The following TSC22D3 variants were observed in gnomAD, a reference collection of about 807,000 sequenced individuals.
TSC22D3 encodes TSC22 domain family member 3.
TSC22D3 carries 4 observed loss-of-function variants against 11.1 expected under a neutral mutation model. The ratio of observed to expected loss-of-function variants is 0.36; its 90% CI spans 0.18 to 0.83. TSC22D3 has a LOEUF of 0.83. Among genes scored for constraint, TSC22D3 ranks in the 40% least tolerant of loss-of-function variants. TSC22D3 has a pLI of 0.48. For missense variants in TSC22D3, 118 were observed against 159.4 expected (o/e 0.74, Z 1.40); for synonymous variants, 77 against 70.3 (o/e 1.10, Z -0.48).
chrX:107,766,467 A>ACCCCCCCCCCCCCCCCCCCCCC (rs1929663567), intron 1 of TSC22D3, among the ~76,000 whole-genome samples: 1 of 54,018 alleles, frequency 1.9e-5, no homozygotes, highest in African/African-American at 8.6e-5. Flanking sequence ...CCCCCCAACA[A>ACCCCCCCCCCCCCCCCCCCCCC]CTCCCCCCAC....
chrX:107,766,605 G>A (rs1025153753), intron 1 of TSC22D3, among the ~76,000 whole-genome samples: 1 of 110,081 alleles, frequency 9.1e-6, no homozygotes. Context: ...GGTGATAGTA[G>A]GTTCCTCCCT....
At chrX:107,743,994 C>G (rs1185871438) in intron 1 of TSC22D3, among the ~76,000 whole-genome samples, 2 of 112,306 alleles carry the variant, frequency 1.8e-5, no homozygotes, top group African/African-American at 6.5e-5. Flanking sequence ...GAGTGCCCAC[C>G]AGCTTTGAGA....
intron 1 of TSC22D3, among the ~76,000 whole-genome samples, chrX:107,722,476 A>G (rs748533320): frequency 4.5e-5 from 5 of 112,204 alleles, no homozygotes; most frequent in African/African-American, 6.5e-5. Context: ...CTCTTGTCAA[A>G]TCACCTTCAT....
intron 1 of TSC22D3, among the ~76,000 whole-genome samples, chrX:107,727,969 A>T (rs1881634253): frequency 8.9e-6 from 1 of 112,113 alleles, no homozygotes; most frequent in South Asian, 3.7e-4. Context: ...TTCTAGCACG[A>T]CTGAAGGCAC....
Position 107,714,369 on chromosome X carries a change from G to T in TSC22D3, c.*150C>A. 1 of 493,929 alleles carries T rather than the reference G, an allele frequency of 2.0e-6. No individual in the cohort carries two copies. Among genetic ancestry groups the T allele is most frequent in the Non-Finnish European group, 3.3e-6 (1 of 301,523 alleles). The allele number at this position is 493,929 out of a possible 1,213,427, so 40.7% of individuals were successfully genotyped here. Reference sequence around the variant, plus strand: ...GGGGTCTGTCGCTGGAGTGGACCCAGGTGGCCATGTCCTTAGGACATCTCT... The same window carrying T: ...GGGGTCTGTCGCTGGAGTGGACCCATGTGGCCATGTCCTTAGGACATCTCT... On this transcript the variant is annotated 3_prime_UTR_variant, in exon 3 of 3. Coordinates refer to ENST00000372383, the MANE Select transcript of TSC22D3 (RefSeq NM_198057.3).
intron 1 of TSC22D3, among the ~76,000 whole-genome samples, chrX:107,742,351 GGGGGGAGGGAGC>G (rs1252376560): frequency 2.0e-5 from 2 of 100,529 alleles, no homozygotes; most frequent in Admixed American, 1.0e-4. Flanking sequence ...TGTTTAGGAA[GGGGGGAGGGAGC>G]GGGGGAGGGA....
chrX:107,719,368 T>C (rs1026899360), intron 1 of TSC22D3, among the ~76,000 whole-genome samples: 3 of 112,282 alleles, frequency 2.7e-5, no homozygotes, highest in African/African-American at 9.7e-5. Flanking sequence ...TCTGAGTTGT[T>C]CATTAGTTAT....
intron 2 of TSC22D3, among the ~76,000 whole-genome samples, chrX:107,714,993 T>C (rs937888686): frequency 2.7e-5 from 3 of 111,902 alleles, no homozygotes; most frequent in African/African-American, 6.5e-5. Context: ...TTGAACTAGA[T>C]AGGTTCTCCC....
At chrX:107,772,836 G>C (rs1200425784) in intron 1 of TSC22D3, among the ~76,000 whole-genome samples, 1 of 111,697 alleles carries the variant, frequency 9.0e-6, no homozygotes, top group Non-Finnish European at 1.9e-5. Context: ...GGGTGACAGA[G>C]TGAGACCCTG....
chrX:107,715,088 T>C (rs1396686520), intron 2 of TSC22D3, among the ~76,000 whole-genome samples: 1 of 111,940 alleles, frequency 8.9e-6, no homozygotes, highest in Non-Finnish European at 1.9e-5. Flanking sequence ...GTTTGCTATG[T>C]CCCCCTTTTT....
At chrX:107,764,884 G>A (rs188219532) in intron 1 of TSC22D3, among the ~76,000 whole-genome samples, 1 of 111,739 alleles carries the variant, frequency 8.9e-6, no homozygotes, top group Admixed American at 9.4e-5. Context: ...AGAGGGAGGT[G>A]CCTCCCTACT....
At chrX:107,748,774 AT>A (rs1928792127) in intron 1 of TSC22D3, among the ~76,000 whole-genome samples, 1 of 112,193 alleles carries the variant, frequency 8.9e-6, no homozygotes. Flanking sequence ...AGAGGATCAA[AT>A]AAGATAGAGT....
At position 107,771,563 on chromosome X, in the gene TSC22D3, C is replaced by G. The variant is rs752018945; in HGVS notation, c.320+3537G>C. On this transcript the variant is annotated intron_variant, in intron 1 of 2. Transcript: ENST00000372383. ...TCGTGCCACTGCACTCCAGCCTGGG[C>G]GACAGAACAAGACTCCGTCTCAAAA... 5.4e-5 allele frequency among the ~76,000 whole-genome samples: 6 copies of G among 111,440 alleles called. 1 individual carries two copies. Among genetic ancestry groups the G allele is most frequent in the African/African-American group, 2.0e-4 (6 of 30,497 alleles).
intron 1 of TSC22D3, among the ~76,000 whole-genome samples, chrX:107,773,704 C>T (rs941596121): frequency 9.0e-6 from 1 of 111,631 alleles, no homozygotes; most frequent in African/African-American, 3.3e-5. Context: ...CCGAGGAATA[C>T]GACTTGTTAT....
chrX:107,741,866 G>GGAGAA (rs1338166232), intron 1 of TSC22D3, among the ~76,000 whole-genome samples: 1 of 110,955 alleles, frequency 9.0e-6, no homozygotes, highest in African/African-American at 3.3e-5. Flanking sequence ...GGAGAGAAAA[G>GGAGAA]GAGAAGGAGA....
intron 1 of TSC22D3, among the ~76,000 whole-genome samples, chrX:107,734,334 C>T (rs1294738280): frequency 3.6e-5 from 4 of 112,581 alleles, no homozygotes; most frequent in East Asian, 2.8e-4. Flanking sequence ...AAAATACTGG[C>T]GAGAGTGTGT....
intron 1 of TSC22D3, among the ~76,000 whole-genome samples, chrX:107,728,078 C>T (rs1426182716): frequency 9.0e-6 from 1 of 110,850 alleles, no homozygotes; most frequent in African/African-American, 3.3e-5. Flanking sequence ...AGGGCAGGGG[C>T]TTATCTTATT....
chrX:107,744,031 T>A (rs1928544769), intron 1 of TSC22D3, among the ~76,000 whole-genome samples: 1 of 112,312 alleles, frequency 8.9e-6, no homozygotes. Flanking sequence ...GAAACTTTCT[T>A]AACATTTAAG....
intron 1 of TSC22D3, 29 bp downstream of exon 1, chrX:107,775,071 G>C: frequency 8.3e-7 from 1 of 1,199,966 alleles, no homozygotes. Flanking sequence ...AGCAAGGACC[G>C]AGTTGCCGCC....
Sources: gnomAD v4.1 joint callset for allele counts (sites outside exome capture counted in the v4.1 genomes callset) on GRCh38, gnomAD v4.1.1 for gene constraint, MANE v1.5 for transcripts, NCBI Gene and HGNC (gene_info 2026-07-23, HGNC 2026-07-21) for gene names.